SHCBP1: variants seen among roughly 807,000 people sequenced by gnomAD.
SHCBP1 encodes the protein SHC SH2 domain-binding protein 1.
Under a neutral mutation model 75.1 loss-of-function variants are expected in SHCBP1, and 60 were observed. The ratio of observed to expected loss-of-function variants is 0.80; its 90% CI spans 0.65 to 0.99. The LOEUF (loss-of-function observed/expected upper bound fraction) is 0.99. Among genes scored for constraint, SHCBP1 ranks in the 50% least tolerant of loss-of-function variants. The probability of loss-of-function intolerance (pLI) is 0.00; values close to 1 mark genes in which losing one functional copy is unlikely to be tolerated. For synonymous variants in SHCBP1, 290 were observed against 293.2 expected (o/e 0.99, Z 0.11); for missense variants, 709 against 809.4 (o/e 0.88, Z 1.50).
At chr16:46,587,455 A>C (rs1358061268) in intron 10 of SHCBP1, among the ~76,000 whole-genome samples, 1 of 152,196 alleles carries the variant, frequency 6.6e-6, no homozygotes, top group Non-Finnish European at 1.5e-5. Context: ...TCTAAATACA[A>C]TTAAAAGACA....
At chr16:46,598,663 A>G (rs963413145) in intron 9 of SHCBP1, among the ~76,000 whole-genome samples, 8 of 152,234 alleles carry the variant, frequency 5.3e-5, no homozygotes, top group Admixed American at 4.6e-4. Context: ...CACCAGTTAC[A>G]TTCACTCATA....
chr16:46,611,036 T>C (rs544781148), intron 4 of SHCBP1, among the ~76,000 whole-genome samples: 1 of 152,178 alleles, frequency 6.6e-6, no homozygotes, highest in Non-Finnish European at 1.5e-5. Flanking sequence ...GTGGAGTATG[T>C]ACATTTTTCC....
chr16:46,619,644 T>C (rs566163800), intron 1 of SHCBP1, among the ~76,000 whole-genome samples: 10 of 152,338 alleles, frequency 6.6e-5, no homozygotes, highest in Non-Finnish European at 1.3e-4. Flanking sequence ...GTTAAAGAAA[T>C]AGTAGTACTT....
At chr16:46,600,082 T>C in intron 8 of SHCBP1, 120 bp from the exon 9 acceptor site, 1 of 1,139,386 alleles carries the variant, frequency 8.8e-7, no homozygotes, top group South Asian at 1.5e-5. Flanking sequence ...CAGTCAACCA[T>C]GTTGCATTTA....
chr16:46,584,572 AC>A (rs766314132), intron 10 of SHCBP1, among the ~76,000 whole-genome samples: 109 of 152,270 alleles, frequency 7.2e-4, no homozygotes, highest in Middle Eastern at 6.8e-3. Context: ...GTTTTAAAAT[AC>A]CCCAACCCAA....
chr16:46,593,638 G>A (rs1965086381), intron 10 of SHCBP1, among the ~76,000 whole-genome samples: 1 of 152,108 alleles, frequency 6.6e-6, no homozygotes, highest in Non-Finnish European at 1.5e-5. Context: ...TTGAGAGGCA[G>A]AGTTGGGAAG....
In SHCBP1 at chr16:46,581,783, C is replaced by A; in HGVS notation, c.1965G>T (p.Val655=). 1 of 1,614,182 alleles carries A rather than the reference C, an allele frequency of 6.2e-7. No individual in the cohort carries two copies. Among genetic ancestry groups the A allele is most frequent in the Non-Finnish European group, 8.5e-7 (1 of 1,180,036 alleles). ...TCCCATTCCACTTGAACTGGTTCCC[C>A]ACAATCCCAACAAACATCTCCTGTG... ...LMSQEMFVGI[V]GNQFKWNGKG... Residue 655 remains valine, a synonymous_variant, in exon 13 of 13, where the codon GTG becomes GTT. Coordinates refer to ENST00000303383, the MANE Select transcript of SHCBP1 (RefSeq NM_024745.5).
intron 11 of SHCBP1, 55 bp downstream of exon 11, chr16:46,583,948 T>C: frequency 7.0e-7 from 1 of 1,433,466 alleles, no homozygotes; most frequent in Non-Finnish European, 9.6e-7. Context: ...AAAGCATAAT[T>C]TGTAGGTAAA....
In SHCBP1 at chr16:46,581,571, T is replaced by C; in HGVS notation, c.*158A>G. On this transcript the variant is annotated 3_prime_UTR_variant, in exon 13 of 13. Coordinates refer to ENST00000303383, the MANE Select transcript of SHCBP1 (RefSeq NM_024745.5). ...TTTCTTATAAAGAGGGAGTGTTTTA[T>C]GTGCAACACCTGCAAATGGAAATAA... is the stretch of plus-strand genomic sequence containing the variant. The C allele has an allele frequency of 1.5e-6, 1 of 648,342 alleles. No individual in the cohort carries two copies. The highest frequency in any genetic ancestry group is 2.6e-6 in the Non-Finnish European group (1 of 383,698). The allele number at this position is 648,342 out of a possible 1,614,324, so 40.2% of individuals were successfully genotyped here. A position where few individuals can be genotyped will look rare whatever the true frequency, so the allele number is the denominator to read the frequency against.
At chr16:46,592,398 A>G (rs74855835) in intron 10 of SHCBP1, among the ~76,000 whole-genome samples, 80 of 152,294 alleles carry the variant, frequency 5.3e-4, no homozygotes, top group Middle Eastern at 3.4e-3. Flanking sequence ...AAATATACTC[A>G]ATATGAAATA....
intron 10 of SHCBP1, among the ~76,000 whole-genome samples, chr16:46,585,740 T>A: frequency 6.6e-6 from 1 of 152,182 alleles, no homozygotes. Context: ...ACTCCCTCCC[T>A]ACTGGGGCAG....
chr16:46,608,555 T>TAA, intron 4 of SHCBP1, among the ~76,000 whole-genome samples, 166 bp from the exon 5 acceptor site: 2 of 152,058 alleles, frequency 1.3e-5, no homozygotes, highest in East Asian at 3.9e-4. Context: ...GAGACCTTTT[T>TAA]TGGATCAGCT....
At chr16:46,591,193 G>C (rs1965042989) in intron 10 of SHCBP1, among the ~76,000 whole-genome samples, 1 of 152,166 alleles carries the variant, frequency 6.6e-6, no homozygotes, top group South Asian at 2.1e-4. Context: ...GGGAGGGATA[G>C]CATTAGGAGA....
At chr16:46,613,797 G>A (rs1190111696) in intron 4 of SHCBP1, among the ~76,000 whole-genome samples, 1 of 152,178 alleles carries the variant, frequency 6.6e-6, no homozygotes, top group Non-Finnish European at 1.5e-5. Flanking sequence ...TCATGCACCA[G>A]ACATACCCCA....
chr16:46,599,688 A>AAAAAAAAACAC (rs55869621), intron 9 of SHCBP1, 143 bp downstream of exon 9: 1 of 74,240 alleles, frequency 1.3e-5, no homozygotes, highest in Non-Finnish European at 2.4e-5. Context: ...AAAAAAAAAA[A>AAAAAAAAACAC]AAAACTCAGC....
intron 2 of SHCBP1, among the ~76,000 whole-genome samples, 180 bp downstream of exon 2, chr16:46,618,025 A>C (rs1408933353): frequency 6.6e-6 from 1 of 152,190 alleles, no homozygotes; most frequent in Non-Finnish European, 1.5e-5. Context: ...TAAAAACACA[A>C]AATTATCTGG....
intron 10 of SHCBP1, among the ~76,000 whole-genome samples, chr16:46,593,726 AAGTCCCT>A (rs78170667): frequency 0.99 from 149,310 of 151,562 alleles, 73,573 homozygotes; most frequent in East Asian, 1. Context: ...GTGACAGAAC[AAGTCCCT>A]AGTCCCTATC....
chr16:46,602,791 CGGCTAATTTTTGTATTTTT>C (rs1567448665), intron 8 of SHCBP1, among the ~76,000 whole-genome samples: 5 of 152,186 alleles, frequency 3.3e-5, no homozygotes, highest in African/African-American at 1.2e-4. Flanking sequence ...ACAACATGCC[CGGCTAATTTTTGTATTTTT>C]AGTACCGACG....
Position 46,581,950 on chromosome 16 carries a change from C to A in SHCBP1, c.1798G>T (p.Ala600Ser), listed in dbSNP as rs749239219. 5.6e-6 allele frequency: 9 copies of A among 1,614,052 alleles called. No homozygotes were observed. Among genetic ancestry groups the A allele is most frequent in the Admixed American group, 1.7e-5 (1 of 59,996 alleles). Residue 600 changes from alanine to serine, a missense_variant, in exon 13 of 13, where the codon GCA (alanine) becomes TCA (serine). Ala to Ser is a moderately conservative substitution (Grantham distance 99). Transcript: ENST00000303383. ...ECATGKMELC[A>S]RTDPSEQVEG... ...ACTTGCTCAGAAGGGTCAGTTCTTG[C>A]ACAAAGCTCCATTTTACCAGTTGCA...
Sources: allele counts gnomAD v4.1 joint callset (sites outside exome capture counted in the v4.1 genomes callset), GRCh38; gene constraint gnomAD v4.1.1; transcripts MANE v1.5; gene names NCBI Gene and HGNC (gene_info 2026-07-23, HGNC 2026-07-21).